The following FAT3 variants were observed in gnomAD, a reference collection of about 807,000 sequenced individuals.
FAT3 encodes the protein FAT atypical cadherin 3, also known as protocadherin Fat 3.
In FAT3, 95 loss-of-function variants were observed where a neutral mutation model predicts 310.2. That is an observed-to-expected ratio of 0.31 (90% confidence interval 0.26 to 0.36). The LOEUF (loss-of-function observed/expected upper bound fraction) is 0.36, where lower values mean the gene tolerates loss of function less well. FAT3 is among the 10% of genes least tolerant of loss of function. The pLI is 1.00. For synonymous variants in FAT3, 2,314 were observed against 2,192.9 expected, an observed-to-expected ratio of 1.06 and a Z score of -1.54; for missense variants, 5,408 against 5,715.6, an observed-to-expected ratio of 0.95 and a Z score of 1.74.
At chr11:92,393,185 C>T (rs1048596746) in intron 2 of FAT3, among the ~76,000 whole-genome samples, 1 of 152,074 alleles carries the variant, frequency 6.6e-6, no homozygotes, top group East Asian at 1.9e-4. Context: ...ATGAAAGAGA[C>T]CTATGGAAGG....
intron 3 of FAT3, among the ~76,000 whole-genome samples, chr11:92,645,434 C>T (rs1942114618): frequency 6.7e-6 from 1 of 150,364 alleles, no homozygotes; most frequent in Non-Finnish European, 1.5e-5. Flanking sequence ...GGTTTGCCCC[C>T]TTTTTTCCTA....
rs187456970 is a variant in FAT3 at position 92,448,714 on chromosome 11, T to G, written c.3293-75920T>G. Among the ~76,000 whole-genome samples, 52 of 152,330 alleles carry G rather than the reference T, an allele frequency of 3.4e-4. 1 individual carries two copies. The Middle Eastern group carries it at 0.034, about 100-fold the overall frequency. On this transcript the variant is annotated intron_variant, in intron 2 of 27. Transcript: ENST00000525166. ...GCCTTCATTAATTTATCTTCCTTGTTGCCTGCTGAAAGTGTGCTGGGAAAA... is the reference window on the plus strand; with the variant it reads ...GCCTTCATTAATTTATCTTCCTTGTGGCCTGCTGAAAGTGTGCTGGGAAAA...
In FAT3 at chr11:92,524,716, T is replaced by A. The variant is rs961976571; in HGVS notation, c.3375T>A (p.Val1125=). 3 of 1,613,864 alleles carry A rather than the reference T, an allele frequency of 1.9e-6. No individual in the cohort carries two copies. The highest frequency in any genetic ancestry group is 1.7e-6 in the Non-Finnish European group (2 of 1,179,842). The change falls in exon 3 of 28, where the codon GTT becomes GTA. Residue 1125 remains valine, a synonymous_variant. Transcript: ENST00000525166. ...WLTVYATDRG[V]VPLYSTIEVY... ...CAGTGTATGCCACAGACAGGGGCGTTGTTCCACTCTACTCCACCATTGAGG... is the reference window on the plus strand; with the variant it reads ...CAGTGTATGCCACAGACAGGGGCGTAGTTCCACTCTACTCCACCATTGAGG...
intron 4 of FAT3, among the ~76,000 whole-genome samples, chr11:92,756,986 G>A (rs763574440): frequency 3.4e-4 from 50 of 145,350 alleles, no homozygotes; most frequent in South Asian, 8.9e-4. Flanking sequence ...GTGCAGTGGC[G>A]CGATCTCAGC....
intron 3 of FAT3, among the ~76,000 whole-genome samples, chr11:92,594,176 T>C (rs113566891): frequency 1.1e-4 from 16 of 152,242 alleles, no homozygotes; most frequent in African/African-American, 3.4e-4. Context: ...TGGGCAGTGG[T>C]GCATGCCTGT....
At chr11:92,404,878 C>G (rs984854532) in intron 2 of FAT3, among the ~76,000 whole-genome samples, 1 of 151,886 alleles carries the variant, frequency 6.6e-6, no homozygotes, top group African/African-American at 2.4e-5. Flanking sequence ...CTTCTCCTAC[C>G]CTTAAACACA....
chr11:92,341,187 T>C (rs1948252429), intron 1 of FAT3, among the ~76,000 whole-genome samples: 1 of 152,194 alleles, frequency 6.6e-6, no homozygotes, highest in Non-Finnish European at 1.5e-5. Flanking sequence ...TCTACAAAAA[T>C]GTCTACAGAT....
Position 92,844,649 on chromosome 11 carries a change from C to T in FAT3, c.11282C>T (p.Ser3761Phe). ...TGTGAGCAAGGCTTGTCACTCGATT[C>T]CCACGCGCTCATGACCTACAGCACG... ...QHCEQGLSLD[S>F]HALMTYSTAR... Residue 3761 changes from serine (S) to phenylalanine (F), a missense_variant, in exon 19 of 28, where the codon TCC (serine) becomes TTC (phenylalanine). Ser to Phe is a radical substitution (Grantham distance 155). This residue lies in a region of FAT3 where 4,588 missense variants were observed against 4,809.8 expected (regional missense o/e 0.95). Coordinates refer to ENST00000525166, the MANE Select transcript of FAT3 (RefSeq NM_001367949.2). 6.2e-7 allele frequency: 1 copy of T among 1,609,486 alleles called. No homozygotes were observed.
intron 3 of FAT3, among the ~76,000 whole-genome samples, chr11:92,685,883 C>T (rs1943623267): frequency 6.6e-6 from 1 of 152,176 alleles, no homozygotes; most frequent in African/African-American, 2.4e-5. Flanking sequence ...AAGGCTTCTT[C>T]CCTGACTTAT....
chr11:92,309,370 T>C (rs1031478852), intron 1 of FAT3, among the ~76,000 whole-genome samples: 1 of 98,824 alleles, frequency 1.0e-5, no homozygotes, highest in Non-Finnish European at 2.0e-5. Context: ...TCGCACTCTT[T>C]TACACACACG....
intron 2 of FAT3, among the ~76,000 whole-genome samples, chr11:92,461,200 G>C (rs1227482982): frequency 1.3e-5 from 2 of 152,146 alleles, no homozygotes; most frequent in African/African-American, 4.8e-5. Flanking sequence ...TCCCAGCCCT[G>C]TTGAGGGTCC....
At chr11:92,437,977 G>C (rs1449682869) in intron 2 of FAT3, among the ~76,000 whole-genome samples, 1 of 152,084 alleles carries the variant, frequency 6.6e-6, no homozygotes, top group Non-Finnish European at 1.5e-5. Context: ...ATACAAGAGA[G>C]AAAGGCCCTT....
intron 1 of FAT3, among the ~76,000 whole-genome samples, chr11:92,286,530 T>A (rs1394836707): frequency 6.6e-6 from 1 of 152,120 alleles, no homozygotes; most frequent in Non-Finnish European, 1.5e-5. Context: ...AGTATGTGCT[T>A]TTGGTGTAGT....
intron 4 of FAT3, among the ~76,000 whole-genome samples, chr11:92,751,960 G>A (rs775897449): frequency 6.6e-6 from 1 of 152,040 alleles, no homozygotes; most frequent in Non-Finnish European, 1.5e-5. Context: ...CTGTGAAAAA[G>A]TGACAATCGT....
rs1949984233 is a variant in FAT3, at chr11:92,894,492, C to A, written c.*3379C>A. 1 of 152,130 alleles carries A rather than the reference C, an allele frequency of 6.6e-6. No individual in the cohort carries two copies. The highest frequency in any genetic ancestry group is 2.1e-4 in the South Asian group (1 of 4,826). The allele number at this position is 152,130 out of a possible 1,614,324, so 9.4% of individuals were successfully genotyped here. A position where few individuals can be genotyped will look rare whatever the true frequency, so the allele number is the denominator to read the frequency against. On this transcript the variant is annotated 3_prime_UTR_variant, in exon 28 of 28. Coordinates refer to ENST00000525166, the MANE Select transcript of FAT3 (RefSeq NM_001367949.2). The stretch of plus-strand genomic sequence containing the variant: ...TCTCATTTTTCGAACATGTATGTGC[C>A]ACCTCCTGGAAGCCATTTCCCATAA...
chr11:92,842,590 A>C (rs1948580065), intron 18 of FAT3, among the ~76,000 whole-genome samples: 1 of 152,232 alleles, frequency 6.6e-6, no homozygotes, highest in African/African-American at 2.4e-5. Context: ...AAATAACAAC[A>C]GATGGACACA....
In FAT3 at chr11:92,805,301, G is replaced by T. The variant is rs377417722; in HGVS notation, c.9045G>T (p.Val3015=). 38 of 1,613,762 alleles carry T rather than the reference G, an allele frequency of 2.4e-5. No homozygotes were observed. In the African/African-American group the frequency reaches 4.9e-4, roughly 21 times the overall value. ...GGCTTTTTGTCACACAGGCCATGGT[G>T]GAAGTGAGCGTCAGTGATGTGAATG... ...TDGLFVTQAM[V]EVSVSDVNDN... Residue 3015 remains valine, a synonymous_variant, in exon 11 of 28, where the codon GTG becomes GTT. Transcript: ENST00000525166.
chr11:92,867,000 C>A lies in FAT3; in HGVS notation c.11918C>A (p.Thr3973Lys), dbSNP rs764886682. 2 of 1,604,768 alleles carry A rather than the reference C, an allele frequency of 1.2e-6. No individual in the cohort carries two copies. The highest frequency in any genetic ancestry group is 2.2e-5 in the South Asian group (2 of 89,596). Residue 3973 changes from threonine to lysine, a missense_variant, in exon 22 of 28, where the codon ACG (threonine) becomes AAG (lysine). Physicochemically the swap from Thr to Lys is moderately conservative, Grantham distance 78. Coordinates refer to ENST00000525166, the MANE Select transcript of FAT3 (RefSeq NM_001367949.2). ...GATAACATCCGCAGCCTGACTGACACGCGGGTCACGCAGGTGCTCAGCGGC... is the reference window on the plus strand; with the variant it reads ...GATAACATCCGCAGCCTGACTGACAAGCGGGTCACGCAGGTGCTCAGCGGC... ...QADNIRSLTD[T>K]RVTQVLSGFQ...
intron 4 of FAT3, among the ~76,000 whole-genome samples, chr11:92,744,249 A>C (rs1945587403): frequency 6.6e-6 from 1 of 152,226 alleles, no homozygotes; most frequent in Non-Finnish European, 1.5e-5. Flanking sequence ...ATCTGAAATC[A>C]TAATACCTAG....
Sources: gnomAD v4.1 joint callset for allele counts (sites outside exome capture counted in the v4.1 genomes callset) on GRCh38, gnomAD v4.1.1 for gene constraint, gnomAD v4.1.1 regional missense constraint, MANE v1.5 for transcripts, NCBI Gene and HGNC (gene_info 2026-07-23, HGNC 2026-07-21) for gene names.